Variants in PLGRKT observed in about 807,000 individuals in gnomAD.
PLGRKT encodes plasminogen receptor (KT).
In PLGRKT, 22 loss-of-function variants were observed where a neutral mutation model predicts 18.5. The ratio of observed to expected loss-of-function variants is 1.19; its 90% confidence interval spans 0.85 to 1.70. PLGRKT has a LOEUF of 1.70. Ranked by LOEUF, PLGRKT falls within the 40% of genes most tolerant of loss-of-function variation. The pLI is 0.00. For missense variants in PLGRKT, 235 were observed against 174.4 expected, an observed-to-expected ratio of 1.35 and a Z score of -1.96; for synonymous variants, 72 against 52.8, an observed-to-expected ratio of 1.36 and a Z score of -1.58.
chr9:5,406,272 G>C (rs959912508), intron 3 of PLGRKT, among the ~76,000 whole-genome samples: 1 of 152,070 alleles, frequency 6.6e-6, no homozygotes, highest in Non-Finnish European at 1.5e-5. Context: ...TATACCCAAA[G>C]GATTATAAAT....
chr9:5,391,591 A>T (rs1341937730), intron 3 of PLGRKT, among the ~76,000 whole-genome samples: 1 of 151,928 alleles, frequency 6.6e-6, no homozygotes, highest in African/African-American at 2.4e-5. Context: ...GTCACCCTGT[A>T]ATCAGTGACA....
intron 3 of PLGRKT, among the ~76,000 whole-genome samples, chr9:5,401,290 G>A (rs570709837): frequency 2.9e-5 from 4 of 137,756 alleles, no homozygotes; most frequent in South Asian, 2.4e-4. Context: ...AATATAGGAC[G>A]GGCTAGAAAA....
At chr9:5,400,812 G>A (rs1402150806) in intron 3 of PLGRKT, among the ~76,000 whole-genome samples, 2 of 151,876 alleles carry the variant, frequency 1.3e-5, no homozygotes. Flanking sequence ...ATGTGAAGAC[G>A]CAAATTAGAA....
intron 3 of PLGRKT, among the ~76,000 whole-genome samples, chr9:5,365,275 CAG>C (rs1352371750): frequency 1.3e-5 from 2 of 152,090 alleles, no homozygotes; most frequent in African/African-American, 2.4e-5. Context: ...CAAAGGGACA[CAG>C]GGGTCAATCT....
intron 3 of PLGRKT, among the ~76,000 whole-genome samples, chr9:5,395,007 G>A (rs1385606158): frequency 4.0e-5 from 6 of 150,874 alleles, no homozygotes; most frequent in East Asian, 3.9e-4. Context: ...GAAAGATTCC[G>A]ACTTTTTTGT....
intron 3 of PLGRKT, among the ~76,000 whole-genome samples, chr9:5,424,106 AAT>A (rs1208979835): frequency 7.0e-6 from 1 of 143,200 alleles, no homozygotes; most frequent in African/African-American, 2.5e-5. Flanking sequence ...TTATATATGT[AAT>A]ATAGTCTATA....
chr9:5,364,682 A>G (rs1175433310), intron 3 of PLGRKT, among the ~76,000 whole-genome samples: 1 of 152,262 alleles, frequency 6.6e-6, no homozygotes, highest in African/African-American at 2.4e-5. Context: ...AAAGGACTAT[A>G]CATAAACACT....
chr9:5,391,298 A>G (rs1017689085), intron 3 of PLGRKT, among the ~76,000 whole-genome samples: 2 of 151,984 alleles, frequency 1.3e-5, no homozygotes, highest in African/African-American at 4.9e-5. Flanking sequence ...TTGGAGTGGA[A>G]AAGAAAACAG....
intron 3 of PLGRKT, among the ~76,000 whole-genome samples, chr9:5,412,461 A>C (rs994302590): frequency 6.6e-6 from 1 of 152,220 alleles, no homozygotes; most frequent in African/African-American, 2.4e-5. Flanking sequence ...TGTCCCTATC[A>C]TGAGAGTAGG....
chr9:5,392,260 A>C (rs1817964273), intron 3 of PLGRKT: 1 of 151,868 alleles, frequency 6.6e-6, no homozygotes, highest in Non-Finnish European at 1.5e-5. Context: ...CACAATAAAG[A>C]TATGATCATA....
chr9:5,435,963 C>T (rs970937248), intron 2 of PLGRKT, among the ~76,000 whole-genome samples: 1 of 152,218 alleles, frequency 6.6e-6, no homozygotes, highest in African/African-American at 2.4e-5. Context: ...AGTTTCAGGG[C>T]TCTGTGCCAG....
chr9:5,435,552 G>GA (rs1240596714), intron 2 of PLGRKT, among the ~76,000 whole-genome samples: 1 of 152,198 alleles, frequency 6.6e-6, no homozygotes, highest in East Asian at 1.9e-4. Flanking sequence ...GAATGTCCTG[G>GA]AAAATGTACT....
intron 3 of PLGRKT, among the ~76,000 whole-genome samples, chr9:5,371,386 C>G (rs973087858): frequency 6.6e-6 from 1 of 152,114 alleles, no homozygotes; most frequent in Non-Finnish European, 1.5e-5. Context: ...GGGAGGGAAC[C>G]AGGTGGAAGT....
At chr9:5,416,684 T>C (rs896246902) in intron 3 of PLGRKT, among the ~76,000 whole-genome samples, 18 of 152,206 alleles carry the variant, frequency 1.2e-4, no homozygotes, top group Admixed American at 4.6e-4. Context: ...ACTGGATTCA[T>C]TGGTCTCACT....
chr9:5,363,183 C>T (rs1248405936), intron 3 of PLGRKT, among the ~76,000 whole-genome samples: 2 of 151,924 alleles, frequency 1.3e-5, no homozygotes, highest in Non-Finnish European at 2.9e-5. Flanking sequence ...AGGCCACTCA[C>T]TGGATCCCAG....
intron 3 of PLGRKT, chr9:5,419,125 C>T (rs932395652): frequency 1.1e-5 from 2 of 187,902 alleles, no homozygotes; most frequent in African/African-American, 2.4e-5. Flanking sequence ...AAGGCCAGGG[C>T]GACCTCAGCG....
chr9:5,365,965 G>A lies in PLGRKT; in HGVS notation c.82-4077C>T, dbSNP rs534003629. On this transcript the variant is annotated intron_variant, in intron 3 of 5. Coordinates refer to ENST00000223864, the MANE Select transcript of PLGRKT (RefSeq NM_018465.4). ...AGGTTGTGTATCTGTGATAAACTAT[G>A]GGCCTAGAGTGAGAAAAAATTCCAT... 9.2e-5 allele frequency among the ~76,000 whole-genome samples: 14 copies of A among 152,208 alleles called. No individual in the cohort carries two copies. The South Asian group carries it at 2.7e-3, about 29-fold the overall frequency.
At chr9:5,365,251 A>G (rs1817360191) in intron 3 of PLGRKT, among the ~76,000 whole-genome samples, 1 of 152,236 alleles carries the variant, frequency 6.6e-6, no homozygotes, top group Admixed American at 6.5e-5. Flanking sequence ...AATAATAATG[A>G]TGATGGAGTA....
At chr9:5,430,038 G>C (rs1488424121) in intron 3 of PLGRKT, among the ~76,000 whole-genome samples, 1 of 152,132 alleles carries the variant, frequency 6.6e-6, no homozygotes, top group Non-Finnish European at 1.5e-5. Flanking sequence ...GCTCAACTGT[G>C]ACACAAATCC....
Sources: allele counts gnomAD v4.1 joint callset (sites outside exome capture counted in the v4.1 genomes callset), GRCh38; gene constraint gnomAD v4.1.1; transcripts MANE v1.5; gene names NCBI Gene and HGNC (gene_info 2026-07-23, HGNC 2026-07-21).